ZYG11A: variants seen among roughly 807,000 people sequenced by gnomAD.
ZYG11A encodes protein zyg-11 homolog A.
Under a neutral mutation model 77.2 loss-of-function variants are expected in ZYG11A, and 62 were observed. The ratio of observed to expected loss-of-function variants is 0.80; its 90% CI spans 0.65 to 0.99. The LOEUF (loss-of-function observed/expected upper bound fraction) is 0.99, where lower values mean the gene tolerates loss of function less well. Ranked by LOEUF, ZYG11A falls within the 50% of genes least tolerant of loss-of-function variation. The probability of loss-of-function intolerance (pLI) is 0.00; values close to 1 mark genes in which losing one functional copy is unlikely to be tolerated. For synonymous variants in ZYG11A, 315 were observed against 324.6 expected, an observed-to-expected ratio of 0.97 and a Z score of 0.32; for missense variants, 828 against 896.8, an observed-to-expected ratio of 0.92 and a Z score of 0.98.
chr1:52,850,891 CCTGT>C (rs1230953401), intron 1 of ZYG11A, among the ~76,000 whole-genome samples: 2 of 152,006 alleles, frequency 1.3e-5, no homozygotes, highest in African/African-American at 2.4e-5. Flanking sequence ...ATTTTAAATT[CCTGT>C]CTGTTAGTTA....
chr1:52,851,105 C>A (rs542280552), intron 1 of ZYG11A, among the ~76,000 whole-genome samples: 1 of 151,368 alleles, frequency 6.6e-6, no homozygotes, highest in Admixed American at 6.6e-5. Flanking sequence ...GGCGCAATCA[C>A]GGCTCATTGC....
intron 8 of ZYG11A, among the ~76,000 whole-genome samples, chr1:52,873,954 A>T (rs1231735415): frequency 6.6e-6 from 1 of 151,980 alleles, no homozygotes; most frequent in Non-Finnish European, 1.5e-5. Context: ...ACTGCACTCC[A>T]GCCTGGGCAA....
intron 8 of ZYG11A, among the ~76,000 whole-genome samples, chr1:52,872,528 A>T (rs1437141011): frequency 6.6e-6 from 1 of 152,036 alleles, no homozygotes; most frequent in Non-Finnish European, 1.5e-5. Context: ...TCTGCAGCCC[A>T]TAGATCAGGG....
chr1:52,855,441 C>T (rs552918689), intron 2 of ZYG11A, among the ~76,000 whole-genome samples: 2 of 151,342 alleles, frequency 1.3e-5, no homozygotes, highest in African/African-American at 2.4e-5. Flanking sequence ...CTGCCTGCCT[C>T]GGCCTCCCAA....
chr1:52,869,265 T>C (rs1305559037), intron 8 of ZYG11A, among the ~76,000 whole-genome samples: 1 of 150,982 alleles, frequency 6.6e-6, no homozygotes, highest in African/African-American at 2.4e-5. Context: ...TTTTTCTTTA[T>C]TGATCATTCT....
chr1:52,889,905 G>A (rs1366513245), intron 13 of ZYG11A, among the ~76,000 whole-genome samples: 1 of 151,670 alleles, frequency 6.6e-6, no homozygotes, highest in African/African-American at 2.4e-5. Flanking sequence ...AGTAGAGACG[G>A]GGTTTCACTG....
chr1:52,888,771 T>C (rs1181219022), intron 13 of ZYG11A, among the ~76,000 whole-genome samples: 1 of 152,200 alleles, frequency 6.6e-6, no homozygotes, highest in Non-Finnish European at 1.5e-5. Flanking sequence ...CAGTGAGCCA[T>C]GATCAGGCAA....
intron 6 of ZYG11A, among the ~76,000 whole-genome samples, chr1:52,867,066 A>G (rs540590239): frequency 1.6e-4 from 24 of 152,316 alleles, no homozygotes; most frequent in African/African-American, 4.6e-4. Flanking sequence ...ACAAGTTTTA[A>G]AACATTTATA....
chr1:52,848,367 G>A (rs1402832217), intron 1 of ZYG11A, among the ~76,000 whole-genome samples: 3 of 151,948 alleles, frequency 2.0e-5, no homozygotes, highest in Non-Finnish European at 2.9e-5. Flanking sequence ...CCACTCCCCC[G>A]TCATAAGCTT....
At chr1:52,856,423 T>C (rs1212115786) in intron 2 of ZYG11A, among the ~76,000 whole-genome samples, 1 of 133,886 alleles carries the variant, frequency 7.5e-6, no homozygotes, top group African/African-American at 2.9e-5. Context: ...CCCACTGCAC[T>C]CCAGCCTGGG....
In ZYG11A at chr1:52,842,768, C is replaced by T; in HGVS notation, c.-116C>T. The T allele has an allele frequency of 1.0e-6, 1 of 985,828 alleles. No individual in the cohort carries two copies. The highest frequency in any genetic ancestry group is 1.5e-6 in the Non-Finnish European group (1 of 673,182). The allele number at this position is 985,828 out of a possible 1,614,324, so 61.1% of individuals were successfully genotyped here. ...CGCCGGCAGGGCGCGGCGCTAGCTC[C>T]GTGTGCCTCGCAGGCGTGGTGGGCG... On this transcript the variant is annotated 5_prime_UTR_variant, in exon 1 of 14. Transcript: ENST00000371528.
At chr1:52,844,154 C>T (rs529626257) in intron 1 of ZYG11A, among the ~76,000 whole-genome samples, 10 of 152,266 alleles carry the variant, frequency 6.6e-5, no homozygotes, top group African/African-American at 2.2e-4. Context: ...TTGGAAAAAA[C>T]CCGCCAAGGG....
chr1:52,877,657 CCCT>C, intron 8 of ZYG11A, 22 bp from the exon 9 acceptor site: 3 of 1,535,030 alleles, frequency 2.0e-6, no homozygotes, highest in Non-Finnish European at 2.6e-6. Context: ...GCATCTAACT[CCCT>C]CCCTGTCTCT....
At chr1:52,879,533 G>C (rs1203073144) in intron 10 of ZYG11A, among the ~76,000 whole-genome samples, 1 of 152,064 alleles carries the variant, frequency 6.6e-6, no homozygotes, top group African/African-American at 2.4e-5. Context: ...ATAAAGAAGG[G>C]ACAAAGTCAT....
In ZYG11A at chr1:52,893,026, A is replaced by G. The variant is rs913024995; in HGVS notation, c.*69A>G. 8 of 1,366,742 alleles carry G rather than the reference A, an allele frequency of 5.9e-6. No individual in the cohort carries two copies. The highest frequency in any genetic ancestry group is 8.0e-6 in the Non-Finnish European group (8 of 1,005,246). 84.7% of individuals were successfully genotyped at this position (1,366,742 alleles called of 1,614,324 possible). ...TGTTCTGCCCTGGCAGTAATTGCAC[A>G]TCAGTTGTCATTGGAGTTTGTGAGT... On this transcript the variant is annotated 3_prime_UTR_variant, in exon 14 of 14. Coordinates refer to ENST00000371528, the MANE Select transcript of ZYG11A (RefSeq NM_001004339.3).
At chr1:52,868,576 T>C (rs1646074521) in intron 8 of ZYG11A, among the ~76,000 whole-genome samples, 1 of 151,910 alleles carries the variant, frequency 6.6e-6, no homozygotes, top group Non-Finnish European at 1.5e-5. Context: ...GGTCAGGAGA[T>C]TGAGACCATC....
chr1:52,876,625 C>T (rs562175967), intron 8 of ZYG11A, among the ~76,000 whole-genome samples: 6 of 152,176 alleles, frequency 3.9e-5, no homozygotes, highest in Non-Finnish European at 8.8e-5. Context: ...AGGCTCACTT[C>T]CCCTGCTCCT....
At chr1:52,875,115 T>C (rs549891207) in intron 8 of ZYG11A, among the ~76,000 whole-genome samples, 1 of 152,334 alleles carries the variant, frequency 6.6e-6, no homozygotes, top group East Asian at 1.9e-4. Context: ...GTGGGTGTTT[T>C]AGAATCCAAG....
At chr1:52,855,158 G>C (rs139689162) in intron 2 of ZYG11A, among the ~76,000 whole-genome samples, 1,950 of 151,738 alleles carry the variant, frequency 0.013, 25 homozygotes, top group African/African-American at 0.03. Flanking sequence ...CACTGTGCCC[G>C]GCCTGCTCTC....
Sources: allele counts gnomAD v4.1 joint callset (sites outside exome capture counted in the v4.1 genomes callset), GRCh38; gene constraint gnomAD v4.1.1; transcripts MANE v1.5; gene names NCBI Gene and HGNC (gene_info 2026-07-23, HGNC 2026-07-21).